The following SETDB1 variants were observed in gnomAD, a reference collection of about 807,000 sequenced individuals.
SETDB1 encodes the protein histone-lysine N-methyltransferase SETDB1.
SETDB1 carries 31 observed loss-of-function variants against 137.4 expected under a neutral mutation model. That is an observed-to-expected ratio of 0.23 (90% CI 0.17 to 0.30). The LOEUF (loss-of-function observed/expected upper bound fraction) is 0.30, where lower values mean the gene tolerates loss of function less well. SETDB1 is among the 10% of genes least tolerant of loss of function. The pLI is 1.00. For synonymous variants in SETDB1, 548 were observed against 579.9 expected, an observed-to-expected ratio of 0.95 and a Z score of 0.79; for missense variants, 1,113 against 1,631.5, an observed-to-expected ratio of 0.68 and a Z score of 5.47.
intron 3 of SETDB1, among the ~76,000 whole-genome samples, chr1:150,931,752 A>C (rs1669765769): frequency 1.4e-5 from 2 of 145,730 alleles, no homozygotes; most frequent in Admixed American, 6.8e-5. Flanking sequence ...AAAAACAGAC[A>C]TCCTTTTCTT....
chr1:150,955,523 T>A (rs1452723715), intron 14 of SETDB1, among the ~76,000 whole-genome samples: 1 of 152,222 alleles, frequency 6.6e-6, no homozygotes, highest in Non-Finnish European at 1.5e-5. Flanking sequence ...CCACTTTTCT[T>A]TGTGTGGCTA....
At position 150,950,809 on chromosome 1, in the gene SETDB1, C is replaced by T. The variant is rs764222880; in HGVS notation, c.1935C>T (p.Tyr645=). The T allele has an allele frequency of 3.1e-6, 5 of 1,614,088 alleles. No individual in the cohort carries two copies. The highest frequency in any genetic ancestry group is 4.2e-6 in the Non-Finnish European group (5 of 1,180,052). The stretch of plus-strand genomic sequence containing the variant: ...GGACAATGCAGGAGATAGAACGCTA[C>T]CTTTTCGAGACTGGCTGTGACTTCC... ...CLRTMQEIER[Y]LFETGCDFLF... Residue 645 remains tyrosine, a synonymous_variant, in exon 13 of 22, where the codon TAC becomes TAT. Coordinates refer to ENST00000692827, the MANE Select transcript of SETDB1 (RefSeq NM_001366418.1).
chr1:150,938,949 C>T (rs773108792), intron 3 of SETDB1, among the ~76,000 whole-genome samples: 10 of 151,692 alleles, frequency 6.6e-5, no homozygotes, highest in East Asian at 3.9e-4. Flanking sequence ...GCCTAGATCA[C>T]GCCACTGCAC....
rs12058381 is a variant in SETDB1, at chr1:150,948,838, C to T, written c.1268-284C>T. ...CCTGGTTTCAAGTGATTGTCCTGCG[C>T]CTTCCGAGCAGCTGGAATTACAGAT... On this transcript the variant is annotated intron_variant, in intron 10 of 21. Transcript: ENST00000692827. 6.3e-4 allele frequency among the ~76,000 whole-genome samples: 96 copies of T among 151,882 alleles called. 1 individual carries two copies. Among genetic ancestry groups the T allele is most frequent in the African/African-American group, 2.2e-3 (92 of 41,428 alleles).
At chr1:150,962,776 T>C in intron 18 of SETDB1, 57 bp downstream of exon 18, 3 of 1,573,972 alleles carry the variant, frequency 1.9e-6, no homozygotes, top group African/African-American at 1.4e-5. Flanking sequence ...CATTGTCACC[T>C]CATCAAGTCC....
intron 10 of SETDB1, among the ~76,000 whole-genome samples, chr1:150,948,907 C>T (rs1670413433): frequency 1.3e-5 from 2 of 151,930 alleles, no homozygotes; most frequent in South Asian, 2.1e-4. Flanking sequence ...TTAGTAGAGA[C>T]GGGGTTTCAC....
chr1:150,948,994 C>T (rs1670416338), intron 10 of SETDB1, 128 bp from the exon 11 acceptor site: 1 of 941,738 alleles, frequency 1.1e-6, no homozygotes, highest in Non-Finnish European at 1.6e-6. Context: ...GCTGGGATTA[C>T]AGGCAAGAGC....
At chr1:150,958,753 G>A (rs968631184) in intron 14 of SETDB1, among the ~76,000 whole-genome samples, 1 of 151,610 alleles carries the variant, frequency 6.6e-6, no homozygotes, top group Non-Finnish European at 1.5e-5. Flanking sequence ...TATTTTTGCT[G>A]TTGTTAGTAA....
At chr1:150,926,628 G>C (rs1669527046) in intron 1 of SETDB1, 111 bp downstream of exon 1, 2 of 441,562 alleles carry the variant, frequency 4.5e-6, no homozygotes, top group Middle Eastern at 5.6e-4. Context: ...AGAGGCGAAC[G>C]GGGGCGGGGC....
rs1331794608 is a variant in SETDB1, at chr1:150,950,733, G to A, written c.1859G>A (p.Arg620His). The A allele has an allele frequency of 1.2e-6, 2 of 1,614,152 alleles. No individual in the cohort carries two copies. Among genetic ancestry groups the A allele is most frequent in the East Asian group, 2.2e-5 (1 of 44,880 alleles). ...ATGACAGCCCGGCGTCGAGTTAACC[G>A]CAAGATGGGCTTTCATGTTATCTAT... ...RRMTARRRVN[R>H]KMGFHVIYKT... Residue 620 changes from arginine to histidine, a missense_variant, in exon 13 of 22, where the codon CGC becomes CAC. Physicochemically the swap from Arg to His is conservative, Grantham distance 29. This residue lies in a region of SETDB1 where 55 missense variants were observed against 118.5 expected (regional missense o/e 0.46). Transcript: ENST00000692827.
intron 14 of SETDB1, among the ~76,000 whole-genome samples, chr1:150,952,019 G>A (rs1230288049): frequency 6.6e-6 from 1 of 151,880 alleles, no homozygotes; most frequent in Non-Finnish European, 1.5e-5. Flanking sequence ...GTGGTGGCGG[G>A]TGCCTGCAGT....
chr1:150,931,234 T>G lies in SETDB1; in HGVS notation c.412+1116T>G, dbSNP rs587650096. Among the ~76,000 whole-genome samples, 509 of 121,432 alleles carry G rather than the reference T, an allele frequency of 4.2e-3. 1 individual carries two copies. Among genetic ancestry groups the G allele is most frequent in the Middle Eastern group, 0.018 (3 of 164 alleles). The allele number at this position is 121,432 out of a possible 152,430, so 79.7% of individuals were successfully genotyped here. A position where few individuals can be genotyped will look rare whatever the true frequency, so the allele number is the denominator to read the frequency against. ...GTGATTGTGCCACTGCACTCCAGCC[T>G]GGGTGACAAAGCAAGACTCTTGTCT... On this transcript the variant is annotated intron_variant, in intron 3 of 21. Coordinates refer to ENST00000692827, the MANE Select transcript of SETDB1 (RefSeq NM_001366418.1).
rs1670488600 is a variant in SETDB1, at chr1:150,951,461, A to G, written c.2313A>G (p.Leu771=). The change falls in exon 14 of 22, where the codon CTA becomes CTG. Residue 771 remains leucine (L), a synonymous_variant. Coordinates refer to ENST00000692827, the MANE Select transcript of SETDB1 (RefSeq NM_001366418.1). ...NPNSGYQYKR[L]EECLPTGVYE... ...ACTCTGGCTACCAGTACAAGAGACT[A>G]GAAGAGTGTCTACCCACAGGGTAAG... 6.2e-7 allele frequency: 1 copy of G among 1,601,270 alleles called. No individual in the cohort carries two copies. Among genetic ancestry groups the G allele is most frequent in the Admixed American group, 1.7e-5 (1 of 60,008 alleles).
rs587692651 is a variant in SETDB1, at chr1:150,935,587, G to T, written c.413-4353G>T. 2.5e-4 allele frequency among the ~76,000 whole-genome samples: 38 copies of T among 151,988 alleles called. No individual in the cohort carries two copies. In the South Asian group the frequency reaches 7.5e-3, roughly 30 times the overall value. On this transcript the variant is annotated intron_variant, in intron 3 of 21. Coordinates refer to ENST00000692827, the MANE Select transcript of SETDB1 (RefSeq NM_001366418.1). ...TGGATTGGATAATTTCTCTATATGG[G>T]TATCTATATATTCTAGTTCATTGAC...
At chr1:150,953,793 C>T (rs1327995783) in intron 14 of SETDB1, among the ~76,000 whole-genome samples, 1 of 151,936 alleles carries the variant, frequency 6.6e-6, no homozygotes. Context: ...TGCACCACTG[C>T]ACTCCAGTCT....
At chr1:150,954,405 GT>G (rs1670585662) in intron 14 of SETDB1, among the ~76,000 whole-genome samples, 1 of 152,156 alleles carries the variant, frequency 6.6e-6, no homozygotes, top group Non-Finnish European at 1.5e-5. Flanking sequence ...AATAAACCTA[GT>G]GATCAGAATA....
intron 19 of SETDB1, 160 bp downstream of exon 19, chr1:150,963,299 G>T (rs971321574): frequency 2.8e-5 from 20 of 725,116 alleles, no homozygotes; most frequent in African/African-American, 7.1e-5. Flanking sequence ...ACTATTGTTT[G>T]ACACATCCTC....
chr1:150,946,681 C>T (rs587641172), intron 9 of SETDB1, among the ~76,000 whole-genome samples: 12 of 152,298 alleles, frequency 7.9e-5, no homozygotes, highest in African/African-American at 2.4e-4. Flanking sequence ...CTCCCAACCT[C>T]GGGTGATCCA....
Position 150,939,940 on chromosome 1 carries a change from G to T in SETDB1, c.413G>T (p.Gly138Val). 2 of 1,612,270 alleles carry T rather than the reference G, an allele frequency of 1.2e-6. No individual in the cohort carries two copies. The highest frequency in any genetic ancestry group is 1.7e-6 in the Non-Finnish European group (2 of 1,178,580). Residue 138 changes from glycine to valine, a missense_variant and splice_region_variant, in exon 4 of 22, where the codon GGT (glycine) becomes GTT (valine). By Grantham distance (109) the Gly-to-Val change is moderately radical (BLOSUM62 -3). This residue lies in a region of SETDB1 where 159 missense variants were observed against 188.6 expected (regional missense o/e 0.84). Coordinates refer to ENST00000692827, the MANE Select transcript of SETDB1 (RefSeq NM_001366418.1). ...EDDDVLSIDS[G>V]DAGSRTPKDQ... Reference sequence around the variant, plus strand: ...TCATTAGAGTTCTTCTCGTCCATAGGTGATGCTGGGAGCAGAACTCCAAAA... The same window carrying T: ...TCATTAGAGTTCTTCTCGTCCATAGTTGATGCTGGGAGCAGAACTCCAAAA...
Sources: allele counts gnomAD v4.1 joint callset (sites outside exome capture counted in the v4.1 genomes callset), GRCh38; gene constraint gnomAD v4.1.1; regional missense constraint gnomAD v4.1.1; transcripts MANE v1.5; gene names NCBI Gene and HGNC (gene_info 2026-07-23, HGNC 2026-07-21).